Variants in LRBA observed in about 807,000 individuals in gnomAD.
The protein encoded by LRBA is LPS responsive beige-like anchor protein.
In LRBA, 176 loss-of-function variants were observed where a neutral mutation model predicts 330.0. The observed-to-expected ratio is 0.53, with a 90% CI of 0.47 to 0.60. LRBA has a LOEUF of 0.60. Among genes scored for constraint, LRBA ranks in the 20% least tolerant of loss-of-function variants. The pLI is 0.00. For missense variants in LRBA, 3,259 were observed against 3,444.8 expected, an observed-to-expected ratio of 0.95 and a Z score of 1.35; for synonymous variants, 1,230 against 1,193.0, an observed-to-expected ratio of 1.03 and a Z score of -0.64.
chr4:150,966,375 T>C (rs189132514), intron 2 of LRBA, among the ~76,000 whole-genome samples: 424 of 151,958 alleles, frequency 2.8e-3, no homozygotes, highest in African/African-American at 9.4e-3. Flanking sequence ...TGGCATGATC[T>C]TGACATACTG....
At chr4:150,713,078 A>G (rs1403211452) in intron 36 of LRBA, among the ~76,000 whole-genome samples, 1 of 151,964 alleles carries the variant, frequency 6.6e-6, no homozygotes, top group Non-Finnish European at 1.5e-5. Flanking sequence ...CCAAGACTAC[A>G]GGCATGTGCC....
At chr4:150,281,096 G>A (rs904739679) in intron 55 of LRBA, among the ~76,000 whole-genome samples, 2 of 152,150 alleles carry the variant, frequency 1.3e-5, no homozygotes, top group Admixed American at 6.5e-5. Context: ...GGTACTAACT[G>A]AAATGCCACA....
intron 40 of LRBA, chr4:150,579,483 T>A: frequency 2.6e-6 from 1 of 382,896 alleles, no homozygotes; most frequent in East Asian, 7.2e-5. Flanking sequence ...TAAAGTCGCC[T>A]TTGTTTAACT....
At chr4:150,921,982 C>T (rs1332931199) in intron 4 of LRBA, among the ~76,000 whole-genome samples, 1 of 152,142 alleles carries the variant, frequency 6.6e-6, no homozygotes, top group African/African-American at 2.4e-5. Flanking sequence ...CTGGGCCTCC[C>T]AAAGTGGTGG....
At position 151,014,554 on chromosome 4, in the gene LRBA, C is replaced by T. The variant is rs754377116; in HGVS notation, c.89G>A (p.Gly30Glu). ...GGGREETPTEGGALSLKPGLP... is the reference protein window; with the variant it reads ...GGGREETPTEEGALSLKPGLP... ...CCCTGGTTTCAGAGACAATGCACCC[C>T]CTTCAGTAGGGGTTTCTTCTCTCCC... The change falls in exon 2 of 57, where the codon GGG becomes GAG. Residue 30 changes from glycine to glutamate, a missense_variant. Transcript: ENST00000651943. The T allele has an allele frequency of 6.2e-7, 1 of 1,613,726 alleles. No homozygotes were observed. Among genetic ancestry groups the T allele is most frequent in the Admixed American group, 1.7e-5 (1 of 59,958 alleles).
At chr4:150,719,054 G>C (rs1320468201) in intron 36 of LRBA, among the ~76,000 whole-genome samples, 1 of 151,996 alleles carries the variant, frequency 6.6e-6, no homozygotes, top group East Asian at 1.9e-4. Flanking sequence ...ACCTCTAATA[G>C]CTACTGAAAT....
intron 48 of LRBA, among the ~76,000 whole-genome samples, chr4:150,340,730 T>A (rs1735411728): frequency 6.6e-6 from 1 of 152,206 alleles, no homozygotes; most frequent in African/African-American, 2.4e-5. Flanking sequence ...TACAGAAACA[T>A]CCTTTTCATG....
intron 47 of LRBA, among the ~76,000 whole-genome samples, chr4:150,358,985 T>G (rs571638778): frequency 2.0e-5 from 3 of 152,138 alleles, no homozygotes; most frequent in Non-Finnish European, 4.4e-5. Context: ...GCCATAAACT[T>G]ATACTGGCAA....
chr4:150,870,271 T>C (rs1396630012), intron 20 of LRBA, among the ~76,000 whole-genome samples: 1 of 152,186 alleles, frequency 6.6e-6, no homozygotes, highest in Non-Finnish European at 1.5e-5. Flanking sequence ...TTGCTGAAAG[T>C]CTGAACATAT....
intron 43 of LRBA, among the ~76,000 whole-genome samples, chr4:150,470,357 T>C (rs1390681053): frequency 6.6e-6 from 1 of 152,162 alleles, no homozygotes; most frequent in East Asian, 1.9e-4. Flanking sequence ...CTACTATATC[T>C]GCACATTCTA....
intron 37 of LRBA, among the ~76,000 whole-genome samples, chr4:150,653,323 A>G (rs553190012): frequency 6.6e-6 from 1 of 152,220 alleles, no homozygotes; most frequent in Non-Finnish European, 1.5e-5. Context: ...ATCCATAAAG[A>G]TTTTGTAATG....
At chr4:150,848,163 C>A (rs898041790) in intron 26 of LRBA, among the ~76,000 whole-genome samples, 3 of 152,040 alleles carry the variant, frequency 2.0e-5, no homozygotes, top group Admixed American at 6.6e-5. Flanking sequence ...TATAAGCGTG[C>A]ACCACCACAC....
At chr4:150,760,930 T>G (rs1408485839) in intron 35 of LRBA, among the ~76,000 whole-genome samples, 1 of 152,190 alleles carries the variant, frequency 6.6e-6, no homozygotes, top group East Asian at 1.9e-4. Flanking sequence ...ATAACATTTA[T>G]GAGAGATAGA....
At chr4:150,419,405 A>T (rs1456185127) in intron 46 of LRBA, among the ~76,000 whole-genome samples, 1 of 152,124 alleles carries the variant, frequency 6.6e-6, no homozygotes, top group Admixed American at 6.5e-5. Flanking sequence ...TAAAGATGTG[A>T]AGGCTAGTTT....
At chr4:150,308,901 A>C (rs1192385847) in intron 52 of LRBA, among the ~76,000 whole-genome samples, 1 of 152,194 alleles carries the variant, frequency 6.6e-6, no homozygotes, top group Non-Finnish European at 1.5e-5. Context: ...CAGTAAGCCA[A>C]TTATTAGTAA....
intron 40 of LRBA, among the ~76,000 whole-genome samples, chr4:150,559,379 G>A (rs1181302686): frequency 6.6e-6 from 1 of 150,910 alleles, no homozygotes; most frequent in Non-Finnish European, 1.5e-5. Context: ...TGGCCAACAT[G>A]GTGAAACCCC....
At chr4:150,824,702 T>C (rs1179827114) in intron 30 of LRBA, among the ~76,000 whole-genome samples, 2 of 152,212 alleles carry the variant, frequency 1.3e-5, no homozygotes, top group East Asian at 3.8e-4. Context: ...TGATATGATG[T>C]ATCACACTGA....
At chr4:150,343,443 T>C (rs1400214884) in intron 48 of LRBA, among the ~76,000 whole-genome samples, 1 of 152,232 alleles carries the variant, frequency 6.6e-6, no homozygotes, top group Non-Finnish European at 1.5e-5. Context: ...ACTTTGCCTG[T>C]CTTGCTCATC....
At chr4:150,362,935 T>C (rs1478352505) in intron 47 of LRBA, among the ~76,000 whole-genome samples, 5 of 151,950 alleles carry the variant, frequency 3.3e-5, no homozygotes, top group African/African-American at 1.2e-4. Flanking sequence ...CTGGGCAACA[T>C]GATGAATCCC....
Sources: allele counts gnomAD v4.1 joint callset (sites outside exome capture counted in the v4.1 genomes callset), GRCh38; gene constraint gnomAD v4.1.1; transcripts MANE v1.5; gene names NCBI Gene and HGNC (gene_info 2026-07-23, HGNC 2026-07-21).